The following CHST12 variants were observed in gnomAD, a reference collection of about 807,000 sequenced individuals.
The protein encoded by CHST12 is carbohydrate sulfotransferase 12.
Under a neutral mutation model 27.9 loss-of-function variants are expected in CHST12, and 23 were observed. The ratio of observed to expected loss-of-function variants is 0.82; its 90% confidence interval spans 0.59 to 1.17. CHST12 has a LOEUF of 1.17. Among genes scored for constraint, CHST12 ranks in the 50% most tolerant of loss-of-function variants. The pLI, the probability that CHST12 is intolerant of heterozygous loss-of-function variation, is 0.00. For synonymous variants in CHST12, 322 were observed against 273.0 expected (o/e 1.18, Z -1.77); for missense variants, 682 against 603.0 (o/e 1.13, Z -1.37).
Position 2,439,195 on chromosome 7 carries a change from T to C in CHST12, c.*5311T>C, listed in dbSNP as rs1280028092. The C allele has an allele frequency of 2.6e-5, 4 of 152,108 alleles. No individual in the cohort carries two copies. The highest frequency in any genetic ancestry group is 5.9e-5 in the Non-Finnish European group (4 of 68,022). The allele number at this position is 152,108 out of a possible 1,614,324, so 9.4% of individuals were successfully genotyped here. ...TATGTTGGTGTTTGATAAACTAGGG[T>C]TGAAGGAGTTCCATCAGTGAAGAGA... is the stretch of plus-strand genomic sequence containing the variant. On this transcript the variant is annotated 3_prime_UTR_variant, in exon 2 of 2. Transcript: ENST00000618655.
chr7:2,419,806 C>T (rs541743003), intron 1 of CHST12, among the ~76,000 whole-genome samples: 3 of 152,064 alleles, frequency 2.0e-5, no homozygotes, highest in South Asian at 4.2e-4. Flanking sequence ...CACCACCCTC[C>T]AGCCCCAGAA....
Position 2,433,488 on chromosome 7 carries a change from C to A in CHST12, c.849C>A (p.Ser283Arg), listed in dbSNP as rs1465455829. 6.2e-7 allele frequency: 1 copy of A among 1,611,678 alleles called. No homozygotes were observed. Among genetic ancestry groups the A allele is most frequent in the South Asian group, 1.1e-5 (1 of 91,072 alleles). Residue 283 changes from serine to arginine, a missense_variant, in exon 2 of 2, where the codon AGC (serine) becomes AGA (arginine). Physicochemically the swap from Ser to Arg is moderately radical, Grantham distance 110. Transcript: ENST00000618655. This position sits in a 1 kb window ranked among gnomAD's most constrained non-coding sequence, Gnocchi z 6.1. ...PMLRLYANHTSLPASAREAFR... is the reference protein window; with the variant it reads ...PMLRLYANHTRLPASAREAFR... Reference sequence around the variant, plus strand: ...TGCGGCTGTACGCCAACCACACCAGCCTGCCCGCCTCGGCGCGCGAGGCCT... The same window carrying A: ...TGCGGCTGTACGCCAACCACACCAGACTGCCCGCCTCGGCGCGCGAGGCCT...
intron 1 of CHST12, among the ~76,000 whole-genome samples, chr7:2,420,217 C>T (rs1028238330): frequency 6.6e-6 from 1 of 152,060 alleles, no homozygotes; most frequent in Non-Finnish European, 1.5e-5. Flanking sequence ...TCGTGATCTG[C>T]CCGCCTCGGC....
intron 1 of CHST12, among the ~76,000 whole-genome samples, chr7:2,421,332 A>G (rs1272833919): frequency 2.0e-5 from 3 of 150,286 alleles, no homozygotes; most frequent in Non-Finnish European, 4.4e-5. Context: ...TGCAGCCTCA[A>G]ACTCTTGGGC....
At chr7:2,420,111 C>G (rs1385675481) in intron 1 of CHST12, among the ~76,000 whole-genome samples, 1 of 151,104 alleles carries the variant, frequency 6.6e-6, no homozygotes, top group African/African-American at 2.4e-5. Context: ...GTAGCTGAGA[C>G]TACAGGCGCC....
At chr7:2,407,371 C>T (rs1018273174) in intron 1 of CHST12, among the ~76,000 whole-genome samples, 2 of 151,984 alleles carry the variant, frequency 1.3e-5, no homozygotes, top group Non-Finnish European at 2.9e-5. Flanking sequence ...TCACTTGAGC[C>T]CAGGAGTTTG....
Position 2,438,278 on chromosome 7 carries a change from A to G in CHST12, c.*4394A>G, listed in dbSNP as rs574350516. On this transcript the variant is annotated 3_prime_UTR_variant, in exon 2 of 2. Transcript: ENST00000618655. ...GCGGCAGAATGTTGGGGCCACACCA[A>G]CGTCCCCAGAGTCTTCTCCCTAGAG... 21 of 152,274 alleles carry G rather than the reference A, an allele frequency of 1.4e-4. No individual in the cohort carries two copies. Among genetic ancestry groups the G allele is most frequent in the African/African-American group, 4.3e-4 (18 of 41,536 alleles). 9.4% of individuals were successfully genotyped at this position (152,274 alleles called of 1,614,324 possible). A position where few individuals can be genotyped will look rare whatever the true frequency, so the allele number is the denominator to read the frequency against.
At chr7:2,412,280 G>C (rs1290044300) in intron 1 of CHST12, among the ~76,000 whole-genome samples, 1 of 152,186 alleles carries the variant, frequency 6.6e-6, no homozygotes, top group African/African-American at 2.4e-5. Flanking sequence ...TGTGTCTCAC[G>C]ATGGAGGTTT....
At position 2,415,039 on chromosome 7, in the gene CHST12, TC is replaced by T. The variant is rs767634558; in HGVS notation, c.-78+11367del. Among the ~76,000 whole-genome samples, 4 of 152,108 alleles carry T rather than the reference TC, an allele frequency of 2.6e-5. No individual in the cohort carries two copies. The South Asian group carries it at 8.3e-4, about 32-fold the overall frequency. ...CAAGTGAATATCGCAATAAAGAGAG[TC>T]AACAAAGTTTTTGCGTTTCCCAGTG... On this transcript the variant is annotated intron_variant, in intron 1 of 1. Transcript: ENST00000618655.
intron 1 of CHST12, among the ~76,000 whole-genome samples, chr7:2,419,638 C>T (rs1781912394): frequency 1.4e-5 from 2 of 146,840 alleles, no homozygotes; most frequent in South Asian, 4.3e-4. Context: ...ACCCGGGAAG[C>T]AGAGGTTGCA....
chr7:2,406,704 G>A (rs1042344547), intron 1 of CHST12, among the ~76,000 whole-genome samples: 1 of 152,148 alleles, frequency 6.6e-6, no homozygotes, highest in African/African-American at 2.4e-5. Context: ...GAGGTCCCCA[G>A]TCAGCAGACC....
At chr7:2,415,618 CTTT>C (rs540084839) in intron 1 of CHST12, among the ~76,000 whole-genome samples, 7 of 140,740 alleles carry the variant, frequency 5.0e-5, no homozygotes, top group African/African-American at 2.6e-5. Context: ...TTTCTTTTTT[CTTT>C]TTTTTTTTTT....
In CHST12 at chr7:2,437,161, C is replaced by T. The variant is rs548022233; in HGVS notation, c.*3277C>T. ...AACCATAAACTTAAAACTCTTTTAC[C>T]CTGTTGGCCCCCATCCTCCAGCTGT... On this transcript the variant is annotated 3_prime_UTR_variant, in exon 2 of 2. Coordinates refer to ENST00000618655, the MANE Select transcript of CHST12 (RefSeq NM_018641.5). The T allele has an allele frequency of 2.6e-5, 4 of 152,276 alleles. No individual in the cohort carries two copies. The highest frequency in any genetic ancestry group is 2.1e-4 in the South Asian group (1 of 4,818). The allele number at this position is 152,276 out of a possible 1,614,324, so 9.4% of individuals were successfully genotyped here.
chr7:2,431,958 A>G (rs1231876733), intron 1 of CHST12, among the ~76,000 whole-genome samples: 2 of 151,988 alleles, frequency 1.3e-5, no homozygotes, highest in Non-Finnish European at 2.9e-5. Context: ...TGCTAGAAAG[A>G]TTACAGAGCT....
chr7:2,416,081 A>T (rs1425401564), intron 1 of CHST12, among the ~76,000 whole-genome samples: 2 of 152,190 alleles, frequency 1.3e-5, no homozygotes, highest in Non-Finnish European at 2.9e-5. Flanking sequence ...TTATCATGTA[A>T]GTCTATGGAA....
intron 1 of CHST12, among the ~76,000 whole-genome samples, chr7:2,408,105 C>T (rs980537244): frequency 1.3e-5 from 2 of 151,906 alleles, no homozygotes; most frequent in African/African-American, 4.8e-5. Flanking sequence ...CGCTGTGGCT[C>T]ACGCCTGTAA....
chr7:2,405,930 C>G (rs889110248), intron 1 of CHST12, among the ~76,000 whole-genome samples: 6 of 152,114 alleles, frequency 3.9e-5, no homozygotes, highest in Non-Finnish European at 5.9e-5. Flanking sequence ...GGAAGGGATC[C>G]AGAGCTGAAG....
Position 2,437,680 on chromosome 7 carries a change from G to A in CHST12, c.*3796G>A, listed in dbSNP as rs1446784477. 6.6e-6 allele frequency: 1 copy of A among 152,174 alleles called. No homozygotes were observed. Among genetic ancestry groups the A allele is most frequent in the African/African-American group, 2.4e-5 (1 of 41,322 alleles). 9.4% of individuals were successfully genotyped at this position (152,174 alleles called of 1,614,324 possible). A position where few individuals can be genotyped will look rare whatever the true frequency, so the allele number is the denominator to read the frequency against. On this transcript the variant is annotated 3_prime_UTR_variant, in exon 2 of 2. Coordinates refer to ENST00000618655, the MANE Select transcript of CHST12 (RefSeq NM_018641.5). ...GAGGTGGGTGGTTTGGTGAAGGTGG[G>A]GCTTTAACCTAGCTCTGCCACTTAG...
rs755069272 is a variant in CHST12, at chr7:2,433,904, T to C, written c.*20T>C. 3.9e-6 allele frequency: 6 copies of C among 1,541,754 alleles called. No homozygotes were observed. Among genetic ancestry groups the C allele is most frequent in the Middle Eastern group, 1.8e-4 (1 of 5,502 alleles). On this transcript the variant is annotated 3_prime_UTR_variant, in exon 2 of 2. Transcript: ENST00000618655. The surrounding 1 kb of genome is among the most constrained non-coding windows in gnomAD (Gnocchi z 6.1). ...GACTGAAAGCTTTCGCGTTGCTTTT[T>C]CTCGCGTGCCTGGAACCTGACGCAC...
Sources: gnomAD v4.1 joint callset for allele counts (sites outside exome capture counted in the v4.1 genomes callset) on GRCh38, gnomAD v4.1.1 for gene constraint, Gnocchi (gnomAD v3.1) non-coding constraint, MANE v1.5 for transcripts, NCBI Gene and HGNC (gene_info 2026-07-23, HGNC 2026-07-21) for gene names.